The following STXBP5L variants were observed in gnomAD, a reference collection of about 807,000 sequenced individuals.
STXBP5L encodes the protein syntaxin binding protein 5L, also known as syntaxin-binding protein 5-like.
STXBP5L carries 65 observed loss-of-function variants against 144.5 expected under a neutral mutation model. The ratio of observed to expected loss-of-function variants is 0.45; its 90% CI spans 0.37 to 0.55. The LOEUF is 0.55. Ranked by LOEUF, STXBP5L falls within the 20% of genes least tolerant of loss-of-function variation. The probability of loss-of-function intolerance (pLI) is 0.00; values close to 1 mark genes in which losing one functional copy is unlikely to be tolerated. For missense variants in STXBP5L, 1,298 were observed against 1,405.5 expected (o/e 0.92, Z 1.22); for synonymous variants, 505 against 469.6 (o/e 1.08, Z -0.97).
chr3:121,070,555 G>A (rs2041764139), intron 5 of STXBP5L, among the ~76,000 whole-genome samples: 1 of 151,668 alleles, frequency 6.6e-6, no homozygotes, highest in Admixed American at 6.6e-5. Context: ...CCCTTTTGGT[G>A]CTCGACACAA....
At chr3:121,298,972 GTTC>G (rs1389109253) in intron 19 of STXBP5L, among the ~76,000 whole-genome samples, 1 of 152,126 alleles carries the variant, frequency 6.6e-6, no homozygotes, top group Non-Finnish European at 1.5e-5. Context: ...TGTCTTTGGG[GTTC>G]TTCTCCTAAT....
At chr3:121,196,158 T>C (rs76755557) in intron 9 of STXBP5L, among the ~76,000 whole-genome samples, 18,257 of 151,878 alleles carry the variant, frequency 0.12, 1,150 homozygotes, top group Non-Finnish European at 0.14. Flanking sequence ...ATTTTAACAA[T>C]ATCAATTCTT....
In STXBP5L at chr3:121,424,703, C is replaced by A. The variant is rs1219780637; in HGVS notation, c.*5606C>A. 6.6e-6 allele frequency: 1 copy of A among 152,140 alleles called. No individual in the cohort carries two copies. The highest frequency in any genetic ancestry group is 1.5e-5 in the Non-Finnish European group (1 of 68,022). 9.4% of individuals were successfully genotyped at this position (152,140 alleles called of 1,614,324 possible). On this transcript the variant is annotated 3_prime_UTR_variant, in exon 27 of 27. Coordinates refer to ENST00000471454, the MANE Select transcript of STXBP5L (RefSeq NM_001308330.2). ...GTTGCACTCAGCAATTGTGACTATACTTAACAAAATTCTTGTAGTCTGTAG... is the reference window on the plus strand; with the variant it reads ...GTTGCACTCAGCAATTGTGACTATAATTAACAAAATTCTTGTAGTCTGTAG...
intron 3 of STXBP5L, among the ~76,000 whole-genome samples, chr3:121,009,700 T>G (rs1230462915): frequency 6.6e-6 from 1 of 152,024 alleles, no homozygotes; most frequent in Non-Finnish European, 1.5e-5. Flanking sequence ...CACTTATATA[T>G]GAACTTAGTT....
At chr3:121,160,577 A>G (rs1212935441) in intron 9 of STXBP5L, among the ~76,000 whole-genome samples, 1 of 152,194 alleles carries the variant, frequency 6.6e-6, no homozygotes, top group African/African-American at 2.4e-5. Flanking sequence ...AACAGACTTA[A>G]GCATTTGTGG....
Position 121,277,177 on chromosome 3 carries a change from G to T in STXBP5L, c.1959-2628G>T, listed in dbSNP as rs924775047. ...CACCAGTAGATTTGATGTCTGGTGA[G>T]AACCTGTTCCTTATAGATAGTACCT... On this transcript the variant is annotated intron_variant, in intron 18 of 26. Transcript: ENST00000471454. Among the ~76,000 whole-genome samples, 27 of 152,132 alleles carry T rather than the reference G, an allele frequency of 1.8e-4. No individual in the cohort carries two copies. The East Asian group carries it at 5.0e-3, about 28-fold the overall frequency.
intron 20 of STXBP5L, among the ~76,000 whole-genome samples, chr3:121,340,016 A>G (rs1246364340): frequency 6.6e-6 from 1 of 152,142 alleles, no homozygotes; most frequent in Non-Finnish European, 1.5e-5. Context: ...ATTCCTATCA[A>G]AATACCAAAT....
At chr3:120,966,468 G>T (rs1939588318) in intron 3 of STXBP5L, among the ~76,000 whole-genome samples, 2 of 152,158 alleles carry the variant, frequency 1.3e-5, no homozygotes. Flanking sequence ...GGGTTTTGGT[G>T]TAGATGACCT....
chr3:121,101,641 A>C (rs146826438), intron 5 of STXBP5L, among the ~76,000 whole-genome samples: 1,687 of 152,222 alleles, frequency 0.011, 10 homozygotes, highest in Non-Finnish European at 0.015. Context: ...GAACAGGCAA[A>C]AGCTGAAAGC....
At chr3:121,257,648 G>T (rs973362418) in intron 17 of STXBP5L, among the ~76,000 whole-genome samples, 2 of 152,174 alleles carry the variant, frequency 1.3e-5, no homozygotes, top group African/African-American at 4.8e-5. Flanking sequence ...ATGTTTATGG[G>T]GTGTGATGGC....
chr3:121,135,139 C>T (rs1304150656), intron 7 of STXBP5L, among the ~76,000 whole-genome samples: 1 of 152,124 alleles, frequency 6.6e-6, no homozygotes, highest in African/African-American at 2.4e-5. Context: ...TTTTGATTTG[C>T]ATTTCTCTGA....
intron 19 of STXBP5L, among the ~76,000 whole-genome samples, chr3:121,286,049 A>C (rs375749499): frequency 2.4e-4 from 37 of 152,128 alleles, no homozygotes; most frequent in African/African-American, 8.9e-4. Context: ...CTATTTAAAA[A>C]CTGATATTAT....
chr3:121,090,633 C>T (rs545136767), intron 5 of STXBP5L, among the ~76,000 whole-genome samples: 2 of 152,002 alleles, frequency 1.3e-5, no homozygotes, highest in Non-Finnish European at 2.9e-5. Flanking sequence ...ATATACAGAT[C>T]TGAATTGTCT....
At chr3:120,974,386 GTTGT>G (rs762565088) in intron 3 of STXBP5L, among the ~76,000 whole-genome samples, 34 of 151,532 alleles carry the variant, frequency 2.2e-4, no homozygotes, top group South Asian at 4.2e-4. Flanking sequence ...TTTTGATGGG[GTTGT>G]TTGTTTTTTT....
rs140209910 is a variant in STXBP5L at position 121,159,470 on chromosome 3, C to T, written c.877+1843C>T. Among the ~76,000 whole-genome samples the T allele has an allele frequency of 2.4e-3, 362 of 152,092 alleles. 2 individuals carry two copies. The highest frequency in any genetic ancestry group is 4.0e-3 in the Non-Finnish European group (269 of 67,996). On this transcript the variant is annotated intron_variant, in intron 9 of 26. Transcript: ENST00000471454. Reference sequence around the variant, plus strand: ...ATAGGTGTGAGCAACCACACCCAACCTCAATTTCTAAGCATGTTTTTTATG... The same window carrying T: ...ATAGGTGTGAGCAACCACACCCAACTTCAATTTCTAAGCATGTTTTTTATG...
rs1008058868 is a variant in STXBP5L, at chr3:121,216,933, G to A, written c.957-6070G>A. 4.9e-5 allele frequency among the ~76,000 whole-genome samples: 7 copies of A among 141,646 alleles called. No individual in the cohort carries two copies. In the Admixed American group the frequency reaches 5.0e-4, roughly 10 times the overall value. The allele number at this position is 141,646 out of a possible 152,430, so 92.9% of individuals were successfully genotyped here. ...CTGGCTACAGCCTCTTTGTGGAGCT[G>A]TGGTGGGCTCTGTCCAGGTCGAACT... On this transcript the variant is annotated intron_variant, in intron 10 of 26. Coordinates refer to ENST00000471454, the MANE Select transcript of STXBP5L (RefSeq NM_001308330.2).
At chr3:120,985,515 T>C in intron 3 of STXBP5L, among the ~76,000 whole-genome samples, 1 of 152,078 alleles carries the variant, frequency 6.6e-6, no homozygotes, top group East Asian at 1.9e-4. Flanking sequence ...AATAGATCTC[T>C]AAAACTAATT....
intron 3 of STXBP5L, among the ~76,000 whole-genome samples, chr3:120,977,887 G>T (rs927045965): frequency 2.0e-5 from 3 of 152,196 alleles, no homozygotes; most frequent in South Asian, 2.1e-4. Flanking sequence ...CTCTCTTCTG[G>T]CTTGCAGATT....
intron 20 of STXBP5L, among the ~76,000 whole-genome samples, chr3:121,368,042 C>A (rs570673613): frequency 1.3e-3 from 193 of 152,006 alleles, no homozygotes; most frequent in African/African-American, 4.6e-3. Flanking sequence ...AGTTTTCAGT[C>A]ATTATTTATT....
Sources: allele counts gnomAD v4.1 joint callset (sites outside exome capture counted in the v4.1 genomes callset), GRCh38; gene constraint gnomAD v4.1.1; transcripts MANE v1.5; gene names NCBI Gene and HGNC (gene_info 2026-07-23, HGNC 2026-07-21).